The following SUCLG2 variants were observed in gnomAD, a reference collection of about 807,000 sequenced individuals.
SUCLG2 encodes the protein succinate-CoA ligase GDP-forming subunit beta, also known as succinate--CoA ligase [GDP-forming] subunit beta, mitochondrial.
A neutral mutation model predicts 47.9 loss-of-function variants in SUCLG2; 42 were observed. That is an observed-to-expected ratio of 0.88 (90% CI 0.69 to 1.14). The LOEUF (loss-of-function observed/expected upper bound fraction) is 1.14. SUCLG2 is among the 50% of genes most tolerant of loss of function. The pLI is 0.00. For synonymous variants in SUCLG2, 195 were observed against 197.3 expected (o/e 0.99, Z 0.10); for missense variants, 571 against 525.9 (o/e 1.09, Z -0.84).
chr3:67,526,012 G>T (rs924728640), intron 4 of SUCLG2, among the ~76,000 whole-genome samples: 2 of 152,138 alleles, frequency 1.3e-5, no homozygotes, highest in Non-Finnish European at 2.9e-5. Flanking sequence ...CTGAGATTTG[G>T]TCATTTATAA....
At chr3:67,551,152 T>C (rs1707003871) in intron 2 of SUCLG2, among the ~76,000 whole-genome samples, 1 of 152,180 alleles carries the variant, frequency 6.6e-6, no homozygotes. Flanking sequence ...TGCTCATGGT[T>C]GATGAGATGG....
At chr3:67,489,176 T>C (rs1338922453) in intron 9 of SUCLG2, among the ~76,000 whole-genome samples, 2 of 152,060 alleles carry the variant, frequency 1.3e-5, no homozygotes, top group Non-Finnish European at 2.9e-5. Context: ...TACTGAGAAG[T>C]ATTGGCAGGT....
chr3:67,364,581 G>A (rs936419666), intron 10 of SUCLG2, among the ~76,000 whole-genome samples: 6 of 152,178 alleles, frequency 3.9e-5, no homozygotes, highest in Non-Finnish European at 8.8e-5. Flanking sequence ...ACCCACCCAG[G>A]AGTGATAAGG....
At chr3:67,554,761 T>C (rs145649569) in intron 2 of SUCLG2, among the ~76,000 whole-genome samples, 135 of 152,316 alleles carry the variant, frequency 8.9e-4, no homozygotes, top group Non-Finnish European at 1.5e-3. Context: ...TTCCACTTCA[T>C]GGTCATACTG....
rs767605356 is a variant in SUCLG2, at chr3:67,375,583, A to G, written c.*161T>C. On this transcript the variant is annotated 3_prime_UTR_variant, in exon 11 of 11. Coordinates refer to ENST00000307227, the MANE Select transcript of SUCLG2 (RefSeq NM_003848.4). ...CCAAAATCAGATTTAGGCTGTCTAG[A>G]TATCTTATTCCAGAAAACACAGATT... 3.3e-5 allele frequency: 47 copies of G among 1,424,542 alleles called. No individual in the cohort carries two copies. The highest frequency in any genetic ancestry group is 4.1e-5 in the Non-Finnish European group (45 of 1,093,366). The allele number at this position is 1,424,542 out of a possible 1,614,324, so 88.2% of individuals were successfully genotyped here.
chr3:67,570,054 G>C (rs1575785886), intron 2 of SUCLG2, among the ~76,000 whole-genome samples: 1 of 152,158 alleles, frequency 6.6e-6, no homozygotes, highest in Non-Finnish European at 1.5e-5. Flanking sequence ...ATACGATGAT[G>C]ATGTCCTTAT....
rs115254876 is a variant in SUCLG2, at chr3:67,628,729, G to A, written c.85-19133C>T. ...CCTGCCACCCTGTAAAATGTGCTTT[G>A]CTTCTCCTTTGCCTTCCACCATGAT... On this transcript the variant is annotated intron_variant, in intron 1 of 10. Transcript: ENST00000307227. Among the ~76,000 whole-genome samples the A allele has an allele frequency of 6.2e-3, 941 of 152,290 alleles. 6 individuals are homozygous for A. The highest frequency in any genetic ancestry group is 0.011 in the Non-Finnish European group (715 of 68,014).
At chr3:67,361,167 GAAA>G (rs112542838) in intron 10 of SUCLG2, among the ~76,000 whole-genome samples, 1 of 144,526 alleles carries the variant, frequency 6.9e-6, no homozygotes, top group Non-Finnish European at 1.5e-5. Context: ...TGAGATGCCG[GAAA>G]AAAAAAAAAA....
intron 1 of SUCLG2, among the ~76,000 whole-genome samples, chr3:67,642,174 G>C (rs1402257536): frequency 6.6e-6 from 1 of 152,094 alleles, no homozygotes; most frequent in African/African-American, 2.4e-5. Flanking sequence ...AATTTTGTGG[G>C]GGACACAATT....
chr3:67,594,723 A>T (rs896597192), intron 2 of SUCLG2, among the ~76,000 whole-genome samples: 4 of 152,228 alleles, frequency 2.6e-5, no homozygotes, highest in African/African-American at 9.6e-5. Context: ...AAAATCCCTT[A>T]GCCTGGTACC....
intron 2 of SUCLG2, among the ~76,000 whole-genome samples, chr3:67,536,187 T>C (rs1249498924): frequency 1.3e-5 from 2 of 152,184 alleles, no homozygotes; most frequent in African/African-American, 4.8e-5. Context: ...TGGTGGAACA[T>C]AAACTCATGA....
downstream of SUCLG2, among the ~76,000 whole-genome samples, chr3:67,372,979 T>C (rs1445978753): frequency 6.6e-6 from 1 of 152,194 alleles, no homozygotes; most frequent in Non-Finnish European, 1.5e-5. Context: ...TGGGTGTGTC[T>C]GTGACAATAA....
chr3:67,552,387 C>T (rs934793518), intron 2 of SUCLG2, among the ~76,000 whole-genome samples: 2 of 152,078 alleles, frequency 1.3e-5, no homozygotes, highest in African/African-American at 2.4e-5. Flanking sequence ...AAACAAGGCC[C>T]ACTCTATTGG....
chr3:67,627,939 G>T (rs1700862995), intron 1 of SUCLG2, among the ~76,000 whole-genome samples: 1 of 152,176 alleles, frequency 6.6e-6, no homozygotes, highest in Non-Finnish European at 1.5e-5. Context: ...TTGGGTTGGG[G>T]GTGGGGGACA....
intron 2 of SUCLG2, among the ~76,000 whole-genome samples, chr3:67,591,236 G>T (rs888225785): frequency 1.3e-5 from 2 of 152,142 alleles, no homozygotes; most frequent in African/African-American, 2.4e-5. Flanking sequence ...CACAAACAGC[G>T]CATACAAGGA....
Position 67,563,039 on chromosome 3 carries a change from G to A in SUCLG2, c.227-33853C>T, listed in dbSNP as rs1707350283. On this transcript the variant is annotated intron_variant, in intron 2 of 10. Coordinates refer to ENST00000307227, the MANE Select transcript of SUCLG2 (RefSeq NM_003848.4). The stretch of plus-strand genomic sequence containing the variant: ...TGATATAGCTTAGGAATTATAATGT[G>A]TACGATTTACATTCTATTTATTATT... Among the ~76,000 whole-genome samples, 3 of 150,110 alleles carry A rather than the reference G, an allele frequency of 2.0e-5. No homozygotes were observed. The South Asian group carries it at 6.3e-4, about 31-fold the overall frequency.
intron 4 of SUCLG2, among the ~76,000 whole-genome samples, chr3:67,526,345 T>C (rs1444372114): frequency 6.6e-6 from 1 of 152,194 alleles, no homozygotes; most frequent in Non-Finnish European, 1.5e-5. Flanking sequence ...AAATTTGTCT[T>C]GGGCCACTTT....
At chr3:67,361,921 G>A (rs1282597716) in intron 10 of SUCLG2, among the ~76,000 whole-genome samples, 1 of 152,164 alleles carries the variant, frequency 6.6e-6, no homozygotes, top group Non-Finnish European at 1.5e-5. Context: ...GCTGAAGGAT[G>A]AGACATACAG....
chr3:67,407,302 C>A (rs1222959904), intron 9 of SUCLG2, among the ~76,000 whole-genome samples: 1 of 152,154 alleles, frequency 6.6e-6, no homozygotes, highest in Non-Finnish European at 1.5e-5. Flanking sequence ...CTTCATGTCA[C>A]TTGATATATC....
Sources: allele counts gnomAD v4.1 joint callset (sites outside exome capture counted in the v4.1 genomes callset), GRCh38; gene constraint gnomAD v4.1.1; transcripts MANE v1.5; gene names NCBI Gene and HGNC (gene_info 2026-07-23, HGNC 2026-07-21).